Variants in MAGI2 observed in about 807,000 individuals in gnomAD.
MAGI2 encodes membrane associated guanylate kinase, WW and PDZ domain containing 2, also known as membrane-associated guanylate kinase, WW and PDZ domain-containing protein 2.
A neutral mutation model predicts 133.3 loss-of-function variants in MAGI2; 35 were observed. The ratio of observed to expected loss-of-function variants is 0.26; its 90% CI spans 0.20 to 0.35. The LOEUF is 0.35. Ranked by LOEUF, MAGI2 falls within the 10% of genes least tolerant of loss-of-function variation. MAGI2 has a pLI of 1.00. For missense variants in MAGI2, 1,636 were observed against 1,863.4 expected (o/e 0.88, Z 2.25); for synonymous variants, 729 against 710.6 (o/e 1.03, Z -0.41).
intron 1 of MAGI2, among the ~76,000 whole-genome samples, chr7:79,383,422 T>A (rs1035100320): frequency 6.6e-6 from 1 of 151,636 alleles, no homozygotes; most frequent in African/African-American, 2.4e-5. Context: ...ATGTAGTTAA[T>A]ACAGGTATAA....
At chr7:79,351,406 C>T (rs1841682188) in intron 1 of MAGI2, among the ~76,000 whole-genome samples, 1 of 152,210 alleles carries the variant, frequency 6.6e-6, no homozygotes, top group African/African-American at 2.4e-5. Context: ...CACAGTGATT[C>T]CAGCCTTGCT....
chr7:78,903,208 T>G (rs1797745737), intron 2 of MAGI2, among the ~76,000 whole-genome samples: 2 of 82,162 alleles, frequency 2.4e-5, no homozygotes, highest in East Asian at 3.4e-4. Context: ...TTTTTTTTTT[T>G]TTTGAGACAG....
intron 1 of MAGI2, among the ~76,000 whole-genome samples, chr7:79,203,051 G>A (rs935877360): frequency 2.0e-5 from 3 of 151,958 alleles, no homozygotes; most frequent in African/African-American, 7.3e-5. Context: ...TTAGTACAGA[G>A]CACATATAAT....
At chr7:78,601,603 A>G (rs1219965038) in intron 3 of MAGI2, among the ~76,000 whole-genome samples, 1 of 152,166 alleles carries the variant, frequency 6.6e-6, no homozygotes, top group Non-Finnish European at 1.5e-5. Context: ...AAGGTACTCA[A>G]ATTTTGTATT....
At chr7:79,082,238 CTA>C (rs1816105866) in intron 1 of MAGI2, among the ~76,000 whole-genome samples, 1 of 152,030 alleles carries the variant, frequency 6.6e-6, no homozygotes, top group South Asian at 2.1e-4. Flanking sequence ...TCATGTATAT[CTA>C]TCTTTTCTTT....
intron 9 of MAGI2, among the ~76,000 whole-genome samples, chr7:78,331,008 C>T (rs1789135003): frequency 1.3e-5 from 2 of 152,176 alleles, no homozygotes; most frequent in South Asian, 2.1e-4. Context: ...AACACACACA[C>T]ACCACAGAAT....
chr7:78,094,836 C>T (rs938643528), intron 20 of MAGI2, among the ~76,000 whole-genome samples: 4 of 152,298 alleles, frequency 2.6e-5, no homozygotes, highest in South Asian at 4.2e-4. Context: ...ATTAGCATTG[C>T]AATCTTCAAT....
intron 1 of MAGI2, among the ~76,000 whole-genome samples, chr7:79,301,872 AG>A (rs1268711206): frequency 6.6e-6 from 1 of 152,134 alleles, no homozygotes; most frequent in African/African-American, 2.4e-5. Flanking sequence ...CATGATAGTG[AG>A]TGAATTCTTA....
intron 9 of MAGI2, among the ~76,000 whole-genome samples, chr7:78,337,985 T>C (rs987247812): frequency 1.3e-5 from 2 of 152,204 alleles, no homozygotes; most frequent in African/African-American, 4.8e-5. Context: ...CAGGAGCATG[T>C]AAGTAAAACA....
chr7:78,286,969 A>G (rs931613835), intron 9 of MAGI2, among the ~76,000 whole-genome samples: 3 of 152,228 alleles, frequency 2.0e-5, no homozygotes, highest in Admixed American at 6.5e-5. Context: ...ATACTGCGAC[A>G]TAAGGCTGCA....
chr7:78,099,775 T>G (rs1224181937), intron 20 of MAGI2, among the ~76,000 whole-genome samples: 1 of 152,190 alleles, frequency 6.6e-6, no homozygotes, highest in Non-Finnish European at 1.5e-5. Context: ...TTTTCCAATT[T>G]GCCTTTTCTC....
Position 79,159,532 on chromosome 7 carries a change from AAAG to A in MAGI2, c.302-152329_302-152327del, listed in dbSNP as rs1233604148. Among the ~76,000 whole-genome samples the A allele has an allele frequency of 5.3e-5, 8 of 151,214 alleles. No homozygotes were observed. In the East Asian group the frequency reaches 5.8e-4, roughly 11 times the overall value. Reference sequence around the variant, plus strand: ...GACTCAGTCTCAAAAAAAAAAAAAAAAAGAAGAAGAAGAAATTATAATAGCCTT... The same window carrying A: ...GACTCAGTCTCAAAAAAAAAAAAAAAAAGAAGAAGAAATTATAATAGCCTT... On this transcript the variant is annotated intron_variant, in intron 1 of 21. Coordinates refer to ENST00000354212, the MANE Select transcript of MAGI2 (RefSeq NM_012301.4).
At chr7:78,797,214 G>T (rs747920790) in intron 2 of MAGI2, among the ~76,000 whole-genome samples, 1 of 151,944 alleles carries the variant, frequency 6.6e-6, no homozygotes, top group South Asian at 2.1e-4. Flanking sequence ...ATTCAATATC[G>T]TAGACATGTA....
chr7:78,988,950 T>C (rs909125045), intron 2 of MAGI2, among the ~76,000 whole-genome samples: 3 of 152,082 alleles, frequency 2.0e-5, no homozygotes, highest in Non-Finnish European at 4.4e-5. Context: ...CAACCCACTT[T>C]CAAGATGTGA....
At chr7:78,895,672 GGCTC>G (rs1213701915) in intron 2 of MAGI2, among the ~76,000 whole-genome samples, 1 of 151,932 alleles carries the variant, frequency 6.6e-6, no homozygotes, top group East Asian at 2.0e-4. Context: ...AGGCTCCAAG[GGCTC>G]GCTATTAAAC....
At chr7:79,010,692 C>T (rs146269709) in intron 1 of MAGI2, among the ~76,000 whole-genome samples, 1 of 152,104 alleles carries the variant, frequency 6.6e-6, no homozygotes, top group Non-Finnish European at 1.5e-5. Flanking sequence ...CATGCTTTAG[C>T]CATTTGTACT....
intron 3 of MAGI2, among the ~76,000 whole-genome samples, chr7:78,623,321 AT>A (rs1807948993): frequency 5.3e-5 from 5 of 95,014 alleles, no homozygotes; most frequent in Non-Finnish European, 1.3e-4. Context: ...GTAAAGCATA[AT>A]ACATTATATT....
chr7:78,593,046 G>A (rs1014510096), intron 3 of MAGI2, among the ~76,000 whole-genome samples: 4 of 151,330 alleles, frequency 2.6e-5, no homozygotes, highest in African/African-American at 4.9e-5. Flanking sequence ...CACCCAAGCT[G>A]GTCTCTAACT....
At chr7:79,051,675 A>T (rs1562833953) in intron 1 of MAGI2, among the ~76,000 whole-genome samples, 1 of 152,144 alleles carries the variant, frequency 6.6e-6, no homozygotes, top group Non-Finnish European at 1.5e-5. Flanking sequence ...TTGAAACAAC[A>T]AATATGTTTC....
Sources: gnomAD v4.1 joint callset for allele counts (sites outside exome capture counted in the v4.1 genomes callset) on GRCh38, gnomAD v4.1.1 for gene constraint, MANE v1.5 for transcripts, NCBI Gene and HGNC (gene_info 2026-07-23, HGNC 2026-07-21) for gene names.